The following NR2F1-AS1 variants were observed in gnomAD, a reference collection of about 807,000 sequenced individuals.
The protein encoded by NR2F1-AS1 is NR2F1 antisense RNA 1.
intron 4 of NR2F1-AS1, among the ~76,000 whole-genome samples, chr5:93,483,327 C>A (rs972062785): frequency 6.6e-6 from 1 of 152,146 alleles, no homozygotes; most frequent in African/African-American, 2.4e-5. Context: ...AGACCTCCAA[C>A]AAACTCCAGC....
chr5:93,428,164 A>G (rs1440106456), intron 4 of NR2F1-AS1, among the ~76,000 whole-genome samples: 2 of 152,172 alleles, frequency 1.3e-5, no homozygotes, highest in East Asian at 3.9e-4. Context: ...GTAGTAAGAG[A>G]GCTTAACATA....
intron 4 of NR2F1-AS1, among the ~76,000 whole-genome samples, chr5:93,545,066 G>C (rs1016112755): frequency 2.0e-5 from 3 of 152,116 alleles, no homozygotes; most frequent in Non-Finnish European, 1.5e-5. Context: ...GAGATGGATT[G>C]GATATTAAAG....
chr5:93,512,327 CTT>C (rs1751315172), intron 4 of NR2F1-AS1, among the ~76,000 whole-genome samples: 2 of 152,172 alleles, frequency 1.3e-5, no homozygotes, highest in Admixed American at 6.6e-5. Context: ...AAATGAATGA[CTT>C]TTGTGCAGCT....
intron 1 of NR2F1-AS1, among the ~76,000 whole-genome samples, chr5:93,565,266 A>G (rs1388031383): frequency 1.3e-5 from 2 of 152,176 alleles, no homozygotes; most frequent in African/African-American, 4.8e-5. Flanking sequence ...AATTACACCT[A>G]GAAAGACAGC....
intron 4 of NR2F1-AS1, among the ~76,000 whole-genome samples, chr5:93,500,700 C>G (rs1459071552): frequency 6.6e-6 from 1 of 152,100 alleles, no homozygotes. Flanking sequence ...TATGCTGGCA[C>G]AATCTCAGCT....
At chr5:93,438,633 T>C (rs1165879026) in intron 4 of NR2F1-AS1, 2 of 152,244 alleles carry the variant, frequency 1.3e-5, no homozygotes, top group Non-Finnish European at 2.9e-5. Flanking sequence ...ATGATCTGAT[T>C]TGTCATTTCT....
chr5:93,574,486 A>T (rs1752849191), intron 1 of NR2F1-AS1, among the ~76,000 whole-genome samples: 1 of 152,098 alleles, frequency 6.6e-6, no homozygotes, highest in Non-Finnish European at 1.5e-5. Flanking sequence ...CATCATCCCT[A>T]AGGAATAAAC....
chr5:93,425,914 A>AAAAAT (rs748957374), intron 4 of NR2F1-AS1, among the ~76,000 whole-genome samples: 23 of 152,184 alleles, frequency 1.5e-4, no homozygotes, highest in Non-Finnish European at 3.4e-4. Context: ...TAAACGTTCA[A>AAAAAT]TAAATTAAAT....
At chr5:93,552,565 A>G (rs536197680) in intron 4 of NR2F1-AS1, among the ~76,000 whole-genome samples, 1 of 152,192 alleles carries the variant, frequency 6.6e-6, no homozygotes, top group South Asian at 2.1e-4. Context: ...CCTCTTCCTC[A>G]TAACTAAAAG....
chr5:93,578,464 G>C (rs1455936438), intron 1 of NR2F1-AS1, among the ~76,000 whole-genome samples: 2 of 151,978 alleles, frequency 1.3e-5, no homozygotes, highest in Non-Finnish European at 2.9e-5. Flanking sequence ...GAAGGCAGAG[G>C]AAGGAAGGGA....
chr5:93,502,613 T>C (rs1362062997), intron 4 of NR2F1-AS1, among the ~76,000 whole-genome samples: 5 of 152,156 alleles, frequency 3.3e-5, no homozygotes, highest in Non-Finnish European at 7.4e-5. Flanking sequence ...AAAAGATGGC[T>C]TATTCCATTG....
intron 4 of NR2F1-AS1, among the ~76,000 whole-genome samples, chr5:93,539,728 T>TAGAGAA (rs1171840233): frequency 6.6e-6 from 1 of 152,164 alleles, no homozygotes; most frequent in Non-Finnish European, 1.5e-5. Flanking sequence ...CATTAAGGTA[T>TAGAGAA]TCTCTATTAC....
At chr5:93,540,684 A>G (rs1751931912) in intron 4 of NR2F1-AS1, among the ~76,000 whole-genome samples, 1 of 152,230 alleles carries the variant, frequency 6.6e-6, no homozygotes, top group Non-Finnish European at 1.5e-5. Context: ...AAACAGGAAC[A>G]TATCCTAGAA....
At chr5:93,511,017 T>C (rs999813136) in intron 4 of NR2F1-AS1, among the ~76,000 whole-genome samples, 2 of 152,208 alleles carry the variant, frequency 1.3e-5, no homozygotes, top group Non-Finnish European at 2.9e-5. Flanking sequence ...GAGACATTCC[T>C]GACCTCTATC....
chr5:93,477,903 T>C (rs1750518276), intron 4 of NR2F1-AS1, among the ~76,000 whole-genome samples: 1 of 152,216 alleles, frequency 6.6e-6, no homozygotes, highest in Non-Finnish European at 1.5e-5. Flanking sequence ...ATTATAAATA[T>C]AATCAGACTC....
intron 4 of NR2F1-AS1, among the ~76,000 whole-genome samples, chr5:93,431,657 A>G (rs1274194206): frequency 6.6e-6 from 1 of 152,186 alleles, no homozygotes; most frequent in Non-Finnish European, 1.5e-5. Context: ...GTCTTTTGCA[A>G]ATAGTCTTGT....
At chr5:93,502,125 C>A (rs556944313) in intron 4 of NR2F1-AS1, among the ~76,000 whole-genome samples, 1 of 152,190 alleles carries the variant, frequency 6.6e-6, no homozygotes, top group East Asian at 1.9e-4. Flanking sequence ...TTCTACTGCA[C>A]ATATATAAAT....
chr5:93,467,358 T>C (rs1561453228), intron 4 of NR2F1-AS1, among the ~76,000 whole-genome samples: 1 of 152,176 alleles, frequency 6.6e-6, no homozygotes, highest in Admixed American at 6.5e-5. Context: ...ACTTGTATCA[T>C]TGAACTATGC....
chr5:93,537,336 C>T (rs183801566), intron 4 of NR2F1-AS1, among the ~76,000 whole-genome samples: 1 of 152,112 alleles, frequency 6.6e-6, no homozygotes, highest in Admixed American at 6.6e-5. Flanking sequence ...TTTTACACAG[C>T]AAAGGAAACA....
Sources: gnomAD v4.1 joint callset for allele counts (sites outside exome capture counted in the v4.1 genomes callset) on GRCh38, gnomAD v4.1.1 for gene constraint, MANE v1.5 for transcripts, NCBI Gene and HGNC (gene_info 2026-07-23, HGNC 2026-07-21) for gene names.